ESR2: variants seen among roughly 807,000 people sequenced by gnomAD.
ESR2 encodes estrogen receptor beta.
Under a neutral mutation model 49.6 loss-of-function variants are expected in ESR2, and 36 were observed. The observed-to-expected ratio is 0.73, with a 90% CI of 0.56 to 0.96. The LOEUF is 0.96. Ranked by LOEUF, ESR2 falls within the 40% of genes least tolerant of loss-of-function variation. The probability of loss-of-function intolerance (pLI) is 0.00; values close to 1 mark genes in which losing one functional copy is unlikely to be tolerated. For missense variants in ESR2, 714 were observed against 693.0 expected (o/e 1.03, Z -0.34); for synonymous variants, 320 against 266.1 (o/e 1.20, Z -1.97).
chr14:64,271,664 G>T (rs142543268), intron 3 of ESR2, among the ~76,000 whole-genome samples: 8 of 152,300 alleles, frequency 5.3e-5, no homozygotes, highest in African/African-American at 1.7e-4. Flanking sequence ...AACATGGGAG[G>T]TTTGTCTTTG....
rs1212164508 is a variant in ESR2 at position 64,229,921 on chromosome 14, G to A, written c.*3216C>T. On this transcript the variant is annotated 3_prime_UTR_variant, in exon 9 of 9. Transcript: ENST00000341099. ...GGGCTGGGCACAGTGGCTCATGCCT[G>A]TAATCTCAGCACTTTGGGAGGCCTT... Among the ~76,000 whole-genome samples, 1 of 152,182 alleles carries A rather than the reference G, an allele frequency of 6.6e-6. No individual in the cohort carries two copies. Among genetic ancestry groups the A allele is most frequent in the African/African-American group, 2.4e-5 (1 of 41,438 alleles).
chr14:64,284,910 C>T (rs1462935524), intron 1 of ESR2, among the ~76,000 whole-genome samples: 2 of 148,988 alleles, frequency 1.3e-5, no homozygotes, highest in Non-Finnish European at 1.5e-5. Context: ...AGTGCAGTGG[C>T]GCAATCTCGG....
chr14:64,291,984 C>T (rs1243085758), intron 1 of ESR2, among the ~76,000 whole-genome samples: 3 of 151,894 alleles, frequency 2.0e-5, no homozygotes, highest in South Asian at 4.2e-4. Flanking sequence ...CTTTTAATGG[C>T]CTTGTATTTC....
At chr14:64,338,573 T>G (rs540586598), upstream of ESR2, 1 of 149,938 alleles carries the variant, frequency 6.7e-6, no homozygotes, top group African/African-American at 2.5e-5. Flanking sequence ...TCCCCAGAGC[T>G]GAGGAGCATC....
At chr14:64,236,488 C>T (rs1025313892) in intron 7 of ESR2, among the ~76,000 whole-genome samples, 1 of 152,036 alleles carries the variant, frequency 6.6e-6, no homozygotes, top group Non-Finnish European at 1.5e-5. Flanking sequence ...CATGGGGCTC[C>T]GTTTAATGAC....
At chr14:64,265,963 G>C (rs1376375623) in intron 4 of ESR2, among the ~76,000 whole-genome samples, 1 of 152,182 alleles carries the variant, frequency 6.6e-6, no homozygotes, top group Non-Finnish European at 1.5e-5. Context: ...GAGAGAGACA[G>C]AGTTAAGAAA....
At chr14:64,300,359 C>T (rs2077008434) in intron 1 of ESR2, among the ~76,000 whole-genome samples, 1 of 152,170 alleles carries the variant, frequency 6.6e-6, no homozygotes, top group Admixed American at 6.5e-5. Flanking sequence ...TTCAACCGGA[C>T]CCCATCCCTT....
At chr14:64,253,365 A>G (rs1469487957) in intron 6 of ESR2, among the ~76,000 whole-genome samples, 8 of 151,084 alleles carry the variant, frequency 5.3e-5, no homozygotes, top group Non-Finnish European at 1.2e-4. Flanking sequence ...TAATTTTTGT[A>G]TTTTTAGTAA....
intron 1 of ESR2, among the ~76,000 whole-genome samples, chr14:64,316,275 G>T (rs1378854524): frequency 5.9e-5 from 9 of 151,386 alleles, no homozygotes; most frequent in Admixed American, 4.6e-4. Context: ...GCCTCCCAAC[G>T]TGCTGGGATT....
chr14:64,296,768 A>C (rs1351031150), upstream of ESR2, among the ~76,000 whole-genome samples: 1 of 152,184 alleles, frequency 6.6e-6, no homozygotes, highest in Non-Finnish European at 1.5e-5. Context: ...GAGCAGCTCA[A>C]ACACCCACAG....
rs2098724386 is a variant in ESR2 at position 64,228,435 on chromosome 14, G to T, written c.*4702C>A. On this transcript the variant is annotated 3_prime_UTR_variant, in exon 9 of 9. Transcript: ENST00000341099. ...CACTCCCTGGAGGAAGGGAAAGCAG[G>T]TCTCAAAATCTGCTTTCACAGAGCA... Among the ~76,000 whole-genome samples the T allele has an allele frequency of 6.6e-6, 1 of 152,200 alleles. No individual in the cohort carries two copies.
At chr14:64,267,774 C>T (rs1241086560) in intron 4 of ESR2, among the ~76,000 whole-genome samples, 1 of 149,610 alleles carries the variant, frequency 6.7e-6, no homozygotes, top group East Asian at 2.0e-4. Flanking sequence ...GTCCCAGCTA[C>T]TTGGGAGGCT....
intron 1 of ESR2, among the ~76,000 whole-genome samples, chr14:64,324,168 A>C (rs575981889): frequency 4.6e-5 from 7 of 152,322 alleles, no homozygotes; most frequent in African/African-American, 1.7e-4. Context: ...ACAACATTGT[A>C]TCAGGTTGGT....
chr14:64,233,426 C>G, intron 8 of ESR2, 103 bp from the exon 9 acceptor site: 1 of 1,091,882 alleles, frequency 9.2e-7, no homozygotes, highest in Middle Eastern at 2.5e-4. Flanking sequence ...TACCCCACCC[C>G]TAAACCCACT....
downstream of ESR2, chr14:64,227,590 G>T (rs146994281): frequency 6.2e-7 from 1 of 1,614,116 alleles, no homozygotes; most frequent in Non-Finnish European, 8.5e-7. Context: ...CAAATGAGGT[G>T]AGTGTTTGAG....
At chr14:64,333,244 A>G (rs1347330786) in intron 1 of ESR2, among the ~76,000 whole-genome samples, 2 of 152,192 alleles carry the variant, frequency 1.3e-5, no homozygotes, top group East Asian at 3.9e-4. Context: ...GATGAGAGAC[A>G]TGTTTCAAAA....
At chr14:64,277,995 C>G (rs1254211841) in intron 3 of ESR2, among the ~76,000 whole-genome samples, 1 of 151,756 alleles carries the variant, frequency 6.6e-6, no homozygotes, top group East Asian at 1.9e-4. Flanking sequence ...AAAGAAGGAT[C>G]TCTTTTTAAA....
upstream of ESR2, among the ~76,000 whole-genome samples, chr14:64,295,033 TG>T (rs2076937934): frequency 6.6e-6 from 1 of 152,206 alleles, no homozygotes; most frequent in Admixed American, 6.5e-5. Context: ...TCGCGCCCCC[TG>T]GTGGCAGCCC....
At chr14:64,286,819 C>T (rs944526565) in intron 1 of ESR2, among the ~76,000 whole-genome samples, 3 of 151,732 alleles carry the variant, frequency 2.0e-5, no homozygotes, top group Non-Finnish European at 4.4e-5. Flanking sequence ...GGGTTTGAGG[C>T]GATTCCCCTG....
Sources: allele counts gnomAD v4.1 joint callset (sites outside exome capture counted in the v4.1 genomes callset), GRCh38; gene constraint gnomAD v4.1.1; transcripts MANE v1.5; gene names NCBI Gene and HGNC (gene_info 2026-07-23, HGNC 2026-07-21).